PID1: variants seen among roughly 807,000 people sequenced by gnomAD.
PID1 encodes phosphotyrosine interaction domain containing 1, also known as PTB-containing, cubilin and LRP1-interacting protein.
A neutral mutation model predicts 19.1 loss-of-function variants in PID1; 10 were observed. The observed-to-expected ratio is 0.52, with a 90% CI of 0.32 to 0.89. The LOEUF (loss-of-function observed/expected upper bound fraction) is 0.89, where lower values mean the gene tolerates loss of function less well. Ranked by LOEUF, PID1 falls within the 40% of genes least tolerant of loss-of-function variation. PID1 has a pLI of 0.03. For missense variants in PID1, 248 were observed against 285.3 expected (o/e 0.87, Z 0.94); for synonymous variants, 130 against 116.0 (o/e 1.12, Z -0.78).
chr2:229,072,469 T>C (rs1694475822), intron 2 of PID1, among the ~76,000 whole-genome samples: 1 of 152,028 alleles, frequency 6.6e-6, no homozygotes, highest in South Asian at 2.1e-4. Flanking sequence ...ATGCCTGTAG[T>C]CCCAGCTCCT....
chr2:229,068,534 C>T (rs759678994), intron 2 of PID1, among the ~76,000 whole-genome samples: 3 of 152,156 alleles, frequency 2.0e-5, no homozygotes, highest in African/African-American at 2.4e-5. Flanking sequence ...CTTTCCACTA[C>T]GTCATTTTGT....
At chr2:229,187,702 C>T (rs1691162851) in intron 1 of PID1, among the ~76,000 whole-genome samples, 1 of 152,182 alleles carries the variant, frequency 6.6e-6, no homozygotes, top group African/African-American at 2.4e-5. Flanking sequence ...AGGATCATTT[C>T]CATGAGCATA....
chr2:229,254,576 G>A (rs1365988304), intron 1 of PID1, among the ~76,000 whole-genome samples: 4 of 152,190 alleles, frequency 2.6e-5, no homozygotes, highest in African/African-American at 9.7e-5. Flanking sequence ...CTGCTAGGAA[G>A]CTCAGACCTA....
chr2:229,212,556 T>C (rs1368480024), intron 1 of PID1, among the ~76,000 whole-genome samples: 23 of 152,176 alleles, frequency 1.5e-4, no homozygotes, highest in Admixed American at 1.5e-3. Flanking sequence ...TATTTTAGAT[T>C]GTTATTTCCA....
chr2:229,104,846 T>A (rs10211653), intron 2 of PID1, among the ~76,000 whole-genome samples: 1 of 152,050 alleles, frequency 6.6e-6, no homozygotes, highest in African/African-American at 2.4e-5. Flanking sequence ...ACATCCCACC[T>A]GGCACATAAG....
intron 2 of PID1, among the ~76,000 whole-genome samples, chr2:229,098,164 T>C (rs1695007619): frequency 6.6e-6 from 1 of 152,222 alleles, no homozygotes; most frequent in Admixed American, 6.5e-5. Flanking sequence ...GTGCGCTCTG[T>C]GCAAAACACT....
chr2:229,051,287 G>T (rs1007196622), intron 2 of PID1, among the ~76,000 whole-genome samples: 11 of 152,068 alleles, frequency 7.2e-5, no homozygotes, highest in South Asian at 2.1e-4. Flanking sequence ...TGCAAAAAAA[G>T]CTTTTGGATC....
At chr2:229,110,116 T>C (rs574274445) in intron 2 of PID1, among the ~76,000 whole-genome samples, 1 of 152,328 alleles carries the variant, frequency 6.6e-6, no homozygotes, top group South Asian at 2.1e-4. Flanking sequence ...AGTAGTACTC[T>C]TATGCTGATG....
intron 1 of PID1, among the ~76,000 whole-genome samples, chr2:229,160,739 G>T (rs1255378639): frequency 6.6e-6 from 1 of 152,090 alleles, no homozygotes; most frequent in East Asian, 1.9e-4. Flanking sequence ...TTTAAAACGG[G>T]TACCTTCAAT....
At chr2:229,163,225 T>C (rs1690525294) in intron 1 of PID1, among the ~76,000 whole-genome samples, 1 of 152,182 alleles carries the variant, frequency 6.6e-6, no homozygotes, top group Non-Finnish European at 1.5e-5. Flanking sequence ...TAAACCTTCT[T>C]CTTCAAGAAT....
chr2:229,104,737 G>C (rs1295081452), intron 2 of PID1, among the ~76,000 whole-genome samples: 1 of 152,148 alleles, frequency 6.6e-6, no homozygotes, highest in African/African-American at 2.4e-5. Context: ...CTGAACTTCT[G>C]CCTCTCTGGG....
At chr2:229,135,073 G>A (rs948476943) in intron 2 of PID1, among the ~76,000 whole-genome samples, 4 of 152,208 alleles carry the variant, frequency 2.6e-5, no homozygotes, top group Admixed American at 2.0e-4. Context: ...ATGGGAAAGA[G>A]AAGAGGAGGG....
chr2:229,268,445 C>A (rs985324590), intron 1 of PID1, among the ~76,000 whole-genome samples: 8 of 152,176 alleles, frequency 5.3e-5, no homozygotes, highest in African/African-American at 1.9e-4. Context: ...TGAACTATAT[C>A]ATCAAGAAAG....
At chr2:229,029,901 G>C (rs1339255661) in intron 2 of PID1, among the ~76,000 whole-genome samples, 2 of 151,606 alleles carry the variant, frequency 1.3e-5, no homozygotes, top group African/African-American at 4.8e-5. Context: ...CCACTTCTGG[G>C]TATATACCCC....
intron 1 of PID1, among the ~76,000 whole-genome samples, chr2:229,166,035 T>C (rs1336226405): frequency 6.6e-6 from 1 of 152,198 alleles, no homozygotes; most frequent in Non-Finnish European, 1.5e-5. Flanking sequence ...TCACAGTAGC[T>C]ATATTTTTAA....
chr2:229,178,357 G>A lies in PID1; in HGVS notation c.31-22393C>T, dbSNP rs577170112. Among the ~76,000 whole-genome samples, 55 of 152,232 alleles carry A rather than the reference G, an allele frequency of 3.6e-4. 1 individual carries two copies. In the South Asian group the frequency reaches 0.011, roughly 29 times the overall value. On this transcript the variant is annotated intron_variant, in intron 1 of 2. Coordinates refer to ENST00000392055, the MANE Select transcript of PID1 (RefSeq NM_001100818.2). ...CCTGGGTGTGTCCCTCCTGGCAGGC[G>A]TTAGCAGTTGTCTAACAAAAACCTC... is the stretch of plus-strand genomic sequence containing the variant.
chr2:229,032,614 G>A (rs1024701011), intron 2 of PID1, among the ~76,000 whole-genome samples: 1 of 152,206 alleles, frequency 6.6e-6, no homozygotes, highest in African/African-American at 2.4e-5. Flanking sequence ...CTTGGAAGAT[G>A]ACAAGAGGGG....
chr2:229,153,424 T>C (rs1293015070), intron 2 of PID1, among the ~76,000 whole-genome samples: 2 of 152,194 alleles, frequency 1.3e-5, no homozygotes, highest in Non-Finnish European at 2.9e-5. Context: ...GGAGAGTCCA[T>C]AAACTTTATA....
At chr2:229,260,284 G>A (rs1351858784) in intron 1 of PID1, among the ~76,000 whole-genome samples, 2 of 151,826 alleles carry the variant, frequency 1.3e-5, no homozygotes, top group Non-Finnish European at 2.9e-5. Context: ...AAAAAAAACA[G>A]AACATGAACA....
Sources: gnomAD v4.1 joint callset for allele counts (sites outside exome capture counted in the v4.1 genomes callset) on GRCh38, gnomAD v4.1.1 for gene constraint, MANE v1.5 for transcripts, NCBI Gene and HGNC (gene_info 2026-07-23, HGNC 2026-07-21) for gene names.